Variants in CREB5 observed in about 807,000 individuals in gnomAD.
CREB5 encodes cAMP responsive element binding protein 5.
Under a neutral mutation model 57.1 loss-of-function variants are expected in CREB5, and 19 were observed. The ratio of observed to expected loss-of-function variants is 0.33; its 90% CI spans 0.23 to 0.49. The LOEUF (loss-of-function observed/expected upper bound fraction) is 0.49. Ranked by LOEUF, CREB5 falls within the 20% of genes least tolerant of loss-of-function variation. CREB5 has a pLI of 0.99. For synonymous variants in CREB5, 238 were observed against 238.3 expected, an observed-to-expected ratio of 1.00 and a Z score of 0.01; for missense variants, 579 against 671.6, an observed-to-expected ratio of 0.86 and a Z score of 1.52.
At position 28,480,193 on chromosome 7, in the gene CREB5, G is replaced by A. The variant is rs143538337; in HGVS notation, c.4-7982G>A. 1.8e-4 allele frequency among the ~76,000 whole-genome samples: 28 copies of A among 152,262 alleles called. No homozygotes were observed. The East Asian group carries it at 4.6e-3, about 25-fold the overall frequency. On this transcript the variant is annotated intron_variant, in intron 1 of 10. Transcript: ENST00000357727. Reference sequence around the variant, plus strand: ...TGCATTAAAAAGTATCTATCTAGAGGCAGAGTAGTACCATTTGGGAACGTG... The same window carrying A: ...TGCATTAAAAAGTATCTATCTAGAGACAGAGTAGTACCATTTGGGAACGTG...
intron 1 of CREB5, among the ~76,000 whole-genome samples, chr7:28,393,669 T>C (rs778153311): frequency 1.1e-4 from 17 of 152,182 alleles, no homozygotes; most frequent in Middle Eastern, 3.2e-3. Flanking sequence ...TGGGGGACTA[T>C]AGCTTAGGAA....
chr7:28,800,068 C>T (rs184385543), intron 7 of CREB5, among the ~76,000 whole-genome samples: 21 of 152,286 alleles, frequency 1.4e-4, no homozygotes, highest in Admixed American at 3.9e-4. Flanking sequence ...ATGGTTTCTG[C>T]TCTAAGCTTA....
chr7:28,324,119 G>A (rs927453329), intron 1 of CREB5, among the ~76,000 whole-genome samples: 12 of 152,190 alleles, frequency 7.9e-5, no homozygotes, highest in Admixed American at 7.2e-4. Context: ...GGTCCCCTAT[G>A]GGGGTTGAGG....
chr7:28,538,090 G>A (rs1024157078), intron 4 of CREB5, among the ~76,000 whole-genome samples: 2 of 152,116 alleles, frequency 1.3e-5, no homozygotes, highest in African/African-American at 4.8e-5. Flanking sequence ...GTCTCCCTCT[G>A]TTGCCCAGGC....
At chr7:28,616,848 A>G (rs1004421285) in intron 5 of CREB5, among the ~76,000 whole-genome samples, 1 of 152,230 alleles carries the variant, frequency 6.6e-6, no homozygotes, top group Non-Finnish European at 1.5e-5. Context: ...ACCAAGTGTT[A>G]TTTCTAAAAA....
intron 4 of CREB5, among the ~76,000 whole-genome samples, chr7:28,560,827 CGCGCGCGTGTGTGTGT>C (rs1562797031): frequency 1.8e-4 from 16 of 89,104 alleles, no homozygotes; most frequent in East Asian, 3.6e-4. Context: ...TGTGTGCGCG[CGCGCGCGTGTGTGTGT>C]GCGCGTGTGT....
intron 7 of CREB5, among the ~76,000 whole-genome samples, chr7:28,728,096 C>T (rs1393107785): frequency 6.6e-6 from 1 of 152,094 alleles, no homozygotes; most frequent in Non-Finnish European, 1.5e-5. Flanking sequence ...CAAGTGTGCA[C>T]CTAGCTAGAT....
intron 5 of CREB5, among the ~76,000 whole-genome samples, chr7:28,676,384 G>C (rs1800321947): frequency 1.3e-5 from 2 of 152,160 alleles, no homozygotes; most frequent in Admixed American, 1.3e-4. Context: ...ATGACAAAGA[G>C]TTGGTCAAAT....
At chr7:28,635,847 C>T (rs1798397804) in intron 5 of CREB5, among the ~76,000 whole-genome samples, 1 of 152,226 alleles carries the variant, frequency 6.6e-6, no homozygotes, top group African/African-American at 2.4e-5. Context: ...GTCTCCCAAA[C>T]TCCTGGCAGC....
intron 5 of CREB5, among the ~76,000 whole-genome samples, chr7:28,634,227 G>C (rs1798319140): frequency 1.3e-5 from 2 of 152,216 alleles, no homozygotes; most frequent in South Asian, 4.1e-4. Flanking sequence ...GGCATGTCTT[G>C]ACTCCAAAAG....
chr7:28,320,061 G>A (rs895801494), intron 1 of CREB5, among the ~76,000 whole-genome samples: 5 of 152,072 alleles, frequency 3.3e-5, no homozygotes, highest in African/African-American at 1.2e-4. Context: ...CTCCCAAGTA[G>A]CTAAGACTAC....
chr7:28,762,448 A>T (rs929340963), intron 7 of CREB5, among the ~76,000 whole-genome samples: 5 of 152,198 alleles, frequency 3.3e-5, no homozygotes, highest in Admixed American at 1.3e-4. Flanking sequence ...GTTGACAAGG[A>T]CTTAAAATTG....
In CREB5 at chr7:28,308,577, C is replaced by T. The variant is rs567916274; in HGVS notation, c.-25+9136C>T. 9.8e-4 allele frequency among the ~76,000 whole-genome samples: 149 copies of T among 152,294 alleles called. 2 individuals carry two copies. The highest frequency in any genetic ancestry group is 6.5e-4 in the Admixed American group (10 of 15,304). On this transcript the variant is annotated intron_variant, in intron 1 of 9. Transcript: ENST00000396299. ...GACTCAAACCCAGGCTGCCTGGTTC[C>T]GGTATTGTGTGCTGGTGGTGAATGG... is the stretch of plus-strand genomic sequence containing the variant.
chr7:28,531,006 C>G (rs1793704206), intron 4 of CREB5, among the ~76,000 whole-genome samples: 1 of 152,072 alleles, frequency 6.6e-6, no homozygotes, highest in Admixed American at 6.6e-5. Flanking sequence ...GAGTTTTTGC[C>G]AGTTTTACTG....
At chr7:28,743,398 T>C (rs1224723283) in intron 7 of CREB5, among the ~76,000 whole-genome samples, 3 of 152,078 alleles carry the variant, frequency 2.0e-5, no homozygotes, top group Non-Finnish European at 4.4e-5. Flanking sequence ...CTGGGTATAG[T>C]GGTGTGCACC....
At chr7:28,725,012 T>C (rs979946658) in intron 7 of CREB5, among the ~76,000 whole-genome samples, 2 of 152,196 alleles carry the variant, frequency 1.3e-5, no homozygotes, top group African/African-American at 4.8e-5. Context: ...AGCTTGGTGA[T>C]TATATTTAGT....
chr7:28,311,935 T>C (rs1211257945), intron 1 of CREB5, among the ~76,000 whole-genome samples: 1 of 152,180 alleles, frequency 6.6e-6, no homozygotes, highest in Non-Finnish European at 1.5e-5. Context: ...CCCTTTGTAC[T>C]TCTCAGAGGT....
chr7:28,437,899 T>G (rs561500676), intron 1 of CREB5, among the ~76,000 whole-genome samples: 6 of 152,306 alleles, frequency 3.9e-5, no homozygotes, highest in Admixed American at 6.5e-5. Flanking sequence ...GAAAAGACGA[T>G]GGAGACATTT....
At chr7:28,611,895 A>AACTTGACAAACTTGACCTCCCTAAATTG (rs1797403318) in intron 5 of CREB5, among the ~76,000 whole-genome samples, 1 of 151,964 alleles carries the variant, frequency 6.6e-6, no homozygotes, top group Non-Finnish European at 1.5e-5. Flanking sequence ...TATGTAAATT[A>AACTTGACAAACTTGACCTCCCTAAATTG]TAACTTGACA....
Sources: allele counts gnomAD v4.1 joint callset (sites outside exome capture counted in the v4.1 genomes callset), GRCh38; gene constraint gnomAD v4.1.1; transcripts MANE v1.5; gene names NCBI Gene and HGNC (gene_info 2026-07-23, HGNC 2026-07-21).